The following KLHL13 variants were observed in gnomAD, a reference collection of about 807,000 sequenced individuals.
KLHL13 encodes kelch-like protein 13.
A neutral mutation model predicts 37.1 loss-of-function variants in KLHL13; 10 were observed. That is an observed-to-expected ratio of 0.27 (90% CI 0.17 to 0.46). The LOEUF (loss-of-function observed/expected upper bound fraction) is 0.46, where lower values mean the gene tolerates loss of function less well. Among genes scored for constraint, KLHL13 ranks in the 20% least tolerant of loss-of-function variants. The pLI, the probability that KLHL13 is intolerant of heterozygous loss-of-function variation, is 1.00. For missense variants in KLHL13, 360 were observed against 509.3 expected, an observed-to-expected ratio of 0.71 and a Z score of 2.82; for synonymous variants, 163 against 181.2, an observed-to-expected ratio of 0.90 and a Z score of 0.81.
intron 2 of KLHL13, among the ~76,000 whole-genome samples, chrX:117,922,744 A>C (rs1417224832): frequency 8.9e-6 from 1 of 111,794 alleles, no homozygotes; most frequent in Admixed American, 9.5e-5. Context: ...CCCTCATATA[A>C]ATTTCAGGTT....
intron 6 of KLHL13, 67 bp from the exon 8 acceptor site, chrX:117,899,462 C>T: frequency 1.0e-6 from 1 of 966,572 alleles, no homozygotes; most frequent in Non-Finnish European, 1.4e-6. Context: ...TAAAGGAGCT[C>T]TGTCACAGAT....
intron 2 of KLHL13, 131 bp downstream of exon 3, chrX:117,945,303 T>C (rs1933265323): frequency 3.3e-6 from 2 of 609,964 alleles, no homozygotes; most frequent in Non-Finnish European, 4.8e-6. Flanking sequence ...GAGCAAAAAA[T>C]AGTTACCATA....
chrX:118,096,592 T>A (rs1160599194), intron 1 of KLHL13, among the ~76,000 whole-genome samples: 1 of 111,690 alleles, frequency 9.0e-6, no homozygotes, highest in Non-Finnish European at 1.9e-5. Context: ...GCCAGCATCA[T>A]CCTGATACCA....
intron 1 of KLHL13, among the ~76,000 whole-genome samples, chrX:117,962,981 A>T (rs2053330137): frequency 8.9e-6 from 1 of 112,439 alleles, no homozygotes; most frequent in African/African-American, 3.2e-5. Context: ...AAATTGTATT[A>T]CATTTAACTA....
Position 118,081,940 on chromosome X carries a change from T to TTGTGTGTGTGTGTG in KLHL13, c.-56+34554_-56+34567dup, listed in dbSNP as rs762989393. 1.6e-4 allele frequency among the ~76,000 whole-genome samples: 16 copies of TTGTGTGTGTGTGTG among 97,698 alleles called. No individual in the cohort carries two copies. In the South Asian group the frequency reaches 6.2e-3, roughly 38 times the overall value. 84.8% of individuals were successfully genotyped at this position (97,698 alleles called of 115,157 possible). On this transcript the variant is annotated intron_variant, in intron 1 of 6. Coordinates refer to the KLHL13 transcript ENST00000371882. ...CTTTTTAAGGCTGAATAGTATTCCA[T>TTGTGTGTGTGTGTG]TGTGTGTGTGTGTGTGTGTGTGTGT...
intron 2 of KLHL13, among the ~76,000 whole-genome samples, chrX:117,930,446 C>T (rs1429356499): frequency 9.0e-6 from 1 of 111,347 alleles, no homozygotes; most frequent in Non-Finnish European, 1.9e-5. Context: ...AGTCAGTTTA[C>T]CAAGGTTGCA....
chrX:118,045,123 C>T (rs905935388), intron 1 of KLHL13, among the ~76,000 whole-genome samples: 8 of 111,191 alleles, frequency 7.2e-5, no homozygotes, highest in Admixed American at 6.7e-4. Context: ...CCTGTAATCC[C>T]AGCACTTTGA....
intron 1 of KLHL13, among the ~76,000 whole-genome samples, chrX:118,099,894 A>AGAAGGAAAGAAAGAAGGAAGAAAGGAAG (rs1569317441): frequency 1.9e-4 from 18 of 96,183 alleles, no homozygotes; most frequent in African/African-American, 8.6e-4. Flanking sequence ...AAGGAAGGAA[A>AGAAGGAAAGAAAGAAGGAAGAAAGGAAG]GAAGGAAGGA....
intron 1 of KLHL13, among the ~76,000 whole-genome samples, chrX:118,018,380 C>A (rs1228489757): frequency 2.7e-5 from 3 of 111,571 alleles, no homozygotes; most frequent in Non-Finnish European, 5.7e-5. Flanking sequence ...TAGTTCTTAC[C>A]AATTACACCA....
intron 1 of KLHL13, among the ~76,000 whole-genome samples, chrX:118,112,850 T>C (rs970636181): frequency 9.0e-6 from 1 of 111,522 alleles, no homozygotes; most frequent in Admixed American, 9.5e-5. Context: ...GTAACCCTAA[T>C]CTCTCAAGGA....
intron 1 of KLHL13, among the ~76,000 whole-genome samples, chrX:118,079,312 A>C (rs12844606): frequency 0.024 from 2,626 of 110,806 alleles, 88 homozygotes; most frequent in African/African-American, 0.081. Context: ...AAACAGAATG[A>C]AAAAAAGGTA....
intron 2 of KLHL13, among the ~76,000 whole-genome samples, chrX:117,940,163 T>C (rs914853844): frequency 3.6e-5 from 4 of 112,251 alleles, no homozygotes; most frequent in Non-Finnish European, 5.6e-5. Flanking sequence ...TGCATATGGC[T>C]AGCCAGTTTT....
intron 1 of KLHL13, among the ~76,000 whole-genome samples, chrX:118,113,897 A>AC (rs2055439239): frequency 8.9e-6 from 1 of 112,387 alleles, no homozygotes; most frequent in Non-Finnish European, 1.9e-5. Flanking sequence ...GCACACAAGT[A>AC]CCCAGTAGAT....
chrX:118,066,795 A>C (rs1038146605), intron 1 of KLHL13, among the ~76,000 whole-genome samples: 3 of 111,955 alleles, frequency 2.7e-5, no homozygotes, highest in Non-Finnish European at 3.8e-5. Flanking sequence ...CAATGAAAGA[A>C]AATCTAGTTT....
intron 1 of KLHL13, among the ~76,000 whole-genome samples, chrX:118,099,610 G>A (rs186310248): frequency 6.0e-4 from 66 of 110,450 alleles, no homozygotes; most frequent in Admixed American, 5.1e-3. Flanking sequence ...AGGAGTTCGA[G>A]ACCAACCAGC....
chrX:117,985,965 A>G (rs2430208), intron 1 of KLHL13, among the ~76,000 whole-genome samples: 2,329 of 111,099 alleles, frequency 0.021, 74 homozygotes, highest in African/African-American at 0.071. Context: ...TAAAAATAAA[A>G]CTACACATGA....
intron 1 of KLHL13, among the ~76,000 whole-genome samples, chrX:117,952,882 A>G (rs1363547510): frequency 3.8e-5 from 4 of 105,019 alleles, no homozygotes; most frequent in Admixed American, 3.1e-4. Flanking sequence ...TTAGAATGGC[A>G]ATCATTAAAA....
At chrX:118,009,224 T>C (rs1293803532) in intron 1 of KLHL13, among the ~76,000 whole-genome samples, 1 of 96,476 alleles carries the variant, frequency 1.0e-5, no homozygotes. Flanking sequence ...GATGGTAGTT[T>C]CTTTTGCTGT....
chrX:118,048,512 G>A (rs1357484070), intron 1 of KLHL13, among the ~76,000 whole-genome samples: 2 of 111,424 alleles, frequency 1.8e-5, no homozygotes, highest in Admixed American at 1.9e-4. Flanking sequence ...GCAAAATTTT[G>A]AGGTTTTACA....
Sources: gnomAD v4.1 joint callset for allele counts (sites outside exome capture counted in the v4.1 genomes callset) on GRCh38, gnomAD v4.1.1 for gene constraint, MANE v1.5 for transcripts, NCBI Gene and HGNC (gene_info 2026-07-23, HGNC 2026-07-21) for gene names.